The following GLIPR1 variants were observed in gnomAD, a reference collection of about 807,000 sequenced individuals.
GLIPR1 encodes the protein GLI pathogenesis related 1, also known as glioma pathogenesis-related protein 1.
In GLIPR1, 38 loss-of-function variants were observed where a neutral mutation model predicts 30.3. The observed-to-expected ratio is 1.26, with a 90% confidence interval of 0.97 to 1.65. GLIPR1 has a LOEUF of 1.65. GLIPR1 is among the 40% of genes most tolerant of loss of function. GLIPR1 has a pLI of 0.00. For missense variants in GLIPR1, 285 were observed against 326.5 expected, an observed-to-expected ratio of 0.87 and a Z score of 0.98; for synonymous variants, 122 against 110.6, an observed-to-expected ratio of 1.10 and a Z score of -0.65.
At chr12:75,488,704 G>T (rs997838048) in intron 2 of GLIPR1, among the ~76,000 whole-genome samples, 1 of 152,126 alleles carries the variant, frequency 6.6e-6, no homozygotes, top group African/African-American at 2.4e-5. Flanking sequence ...CTGTGAATGG[G>T]TCAGTCCCAC....
In GLIPR1 at chr12:75,500,092, CAG is replaced by C. The variant is rs1285476722; in HGVS notation, c.*1115_*1116del. 1 of 582,570 alleles carries C rather than the reference CAG, an allele frequency of 1.7e-6. No individual in the cohort carries two copies. Among genetic ancestry groups the C allele is most frequent in the African/African-American group, 2.0e-5 (1 of 50,494 alleles). 36.1% of individuals were successfully genotyped at this position (582,570 alleles called of 1,614,324 possible). On this transcript the variant is annotated 3_prime_UTR_variant, in exon 6 of 6. Coordinates refer to ENST00000266659, the MANE Select transcript of GLIPR1 (RefSeq NM_006851.3). ...TAATTGAATAATTGAAAGGTGATCA[CAG>C]TATAAAATATAAAAACACTTGCCTA...
At chr12:75,481,686 C>T in intron 1 of GLIPR1, 148 bp from the exon 2 acceptor site, 1 of 698,362 alleles carries the variant, frequency 1.4e-6, no homozygotes. Flanking sequence ...CAGCCCTACT[C>T]AGTGCTTGAA....
chr12:75,488,776 C>T (rs926722857), intron 2 of GLIPR1, among the ~76,000 whole-genome samples: 1 of 152,146 alleles, frequency 6.6e-6, no homozygotes, highest in African/African-American at 2.4e-5. Context: ...ATCCCAGCTC[C>T]AGCTCCACCT....
chr12:75,501,569 T>A lies in GLIPR1; in HGVS notation c.*2591T>A. ...TTAGCTGCCTCTAAATTATAAATTA[T>A]CTCAGCCATCCCTTGTCCTTAGGAT... is the stretch of plus-strand genomic sequence containing the variant. On this transcript the variant is annotated 3_prime_UTR_variant, in exon 6 of 6. Transcript: ENST00000266659. 1.7e-6 allele frequency: 1 copy of A among 594,800 alleles called. No individual in the cohort carries two copies. The allele number at this position is 594,800 out of a possible 1,614,324, so 36.8% of individuals were successfully genotyped here.
At chr12:75,498,448 C>T in intron 4 of GLIPR1, 22 of 361,928 alleles carry the variant, frequency 6.1e-5, no homozygotes, top group South Asian at 2.5e-4. Flanking sequence ...AATGATTTTC[C>T]ATTTATAGTA....
At chr12:75,498,122 A>AAAGT (rs1168970882) in intron 4 of GLIPR1, 4 of 152,500 alleles carry the variant, frequency 2.6e-5, no homozygotes, top group Admixed American at 1.3e-4. Context: ...TTTATAAAAG[A>AAAGT]AAGTATCCAG....
chr12:75,481,357 C>CTTTTTTTT (rs72137011), intron 1 of GLIPR1: 1 of 144,304 alleles, frequency 6.9e-6, no homozygotes, highest in East Asian at 2.0e-4. Flanking sequence ...ATTTGGTTTT[C>CTTTTTTTT]TTTTTTTTTT....
Position 75,490,567 on chromosome 12 carries a change from C to A in GLIPR1, c.533+49C>A, listed in dbSNP as rs762467955. 543 of 85,908 alleles carry A rather than the reference C, an allele frequency of 6.3e-3. 133 individuals carry two copies. In the African/African-American group the frequency reaches 0.13, roughly 20 times the overall value. The allele number at this position is 85,908 out of a possible 1,614,324, so 5.3% of individuals were successfully genotyped here. ...TATAGGAAACGCCCCCCCCCCCCCG[C>A]AAAAAAAAACAACAACAAAAAAAAA... is the stretch of plus-strand genomic sequence containing the variant. On this transcript the variant is annotated intron_variant, in intron 3 of 5. Coordinates refer to ENST00000266659, the MANE Select transcript of GLIPR1 (RefSeq NM_006851.3).
chr12:75,483,373 G>C (rs2046280077), intron 2 of GLIPR1: 1 of 152,136 alleles, frequency 6.6e-6, no homozygotes, highest in Non-Finnish European at 1.5e-5. Context: ...TTATTAGTCA[G>C]TGTTTAAGCT....
At chr12:75,488,403 G>A (rs2046303402) in intron 2 of GLIPR1, among the ~76,000 whole-genome samples, 1 of 152,146 alleles carries the variant, frequency 6.6e-6, no homozygotes, top group African/African-American at 2.4e-5. Context: ...CGGGCATGGT[G>A]GCACATGCCT....
At chr12:75,497,642 G>A (rs2120569623) in intron 4 of GLIPR1, 1 of 152,290 alleles carries the variant, frequency 6.6e-6, no homozygotes, top group South Asian at 2.1e-4. Context: ...GTAAAGGTTA[G>A]AGGATAAAAG....
chr12:75,501,595 T>G lies in GLIPR1; in HGVS notation c.*2617T>G. ...CTCAGCCATCCCTTGTCCTTAGGAT[T>G]AGTAATTAATGAAATGCTAAGAGAA... is the stretch of plus-strand genomic sequence containing the variant. On this transcript the variant is annotated 3_prime_UTR_variant, in exon 6 of 6. Transcript: ENST00000266659. 1.6e-6 allele frequency: 1 copy of G among 644,612 alleles called. No individual in the cohort carries two copies. The highest frequency in any genetic ancestry group is 2.7e-6 in the Non-Finnish European group (1 of 375,802). The allele number at this position is 644,612 out of a possible 1,614,324, so 39.9% of individuals were successfully genotyped here. A position where few individuals can be genotyped will look rare whatever the true frequency, so the allele number is the denominator to read the frequency against.
chr12:75,490,310 C>CTAG, intron 2 of GLIPR1, 96 bp from the exon 3 acceptor site: 1 of 698,126 alleles, frequency 1.4e-6, no homozygotes. Flanking sequence ...AGCACTCTAA[C>CTAG]TAGAGTGGTA....
chr12:75,488,445 G>A (rs2046303582), intron 2 of GLIPR1, among the ~76,000 whole-genome samples: 1 of 152,130 alleles, frequency 6.6e-6, no homozygotes, highest in Non-Finnish European at 1.5e-5. Context: ...CCTGAGGCAG[G>A]AGAATCGCTT....
chr12:75,497,706 A>AATTCCTTCGTGGT (rs1178111498), intron 4 of GLIPR1: 3 of 152,100 alleles, frequency 2.0e-5, no homozygotes, highest in Non-Finnish European at 4.4e-5. Context: ...CTGGAGCATA[A>AATTCCTTCGTGGT]ATTCCTTCGT....
chr12:75,487,646 C>A, intron 2 of GLIPR1: 1 of 406,360 alleles, frequency 2.5e-6, no homozygotes. Context: ...TCTCCCTAGT[C>A]ACGTCCCCAC....
In GLIPR1 at chr12:75,500,595, A is replaced by C. The variant is rs1312158787; in HGVS notation, c.*1617A>C. 1 of 152,052 alleles carries C rather than the reference A, an allele frequency of 6.6e-6. No homozygotes were observed. The highest frequency in any genetic ancestry group is 1.5e-5 in the Non-Finnish European group (1 of 67,958). The allele number at this position is 152,052 out of a possible 1,614,324, so 9.4% of individuals were successfully genotyped here. Reference sequence around the variant, plus strand: ...TTGGTATATTTAACAACATTTTGGTAATAAAGACAATAATTTGAGAGTGTG... The same window carrying C: ...TTGGTATATTTAACAACATTTTGGTCATAAAGACAATAATTTGAGAGTGTG... On this transcript the variant is annotated 3_prime_UTR_variant, in exon 6 of 6. Transcript: ENST00000266659.
chr12:75,483,231 G>T (rs1392896675), intron 2 of GLIPR1, among the ~76,000 whole-genome samples: 1 of 152,120 alleles, frequency 6.6e-6, no homozygotes, highest in Non-Finnish European at 1.5e-5. Context: ...AGTTTCCTTG[G>T]ATTCCAACAA....
At position 75,498,831 on chromosome 12, in the gene GLIPR1, C is replaced by G. The variant is rs922451076; in HGVS notation, c.654C>G (p.Tyr218Ter). 1.2e-6 allele frequency: 2 copies of G among 1,612,200 alleles called. No homozygotes were observed. Among genetic ancestry groups the G allele is most frequent in the Non-Finnish European group, 1.7e-6 (2 of 1,178,606 alleles). ...NRQRDQVKRY[Y>*]SVVYPGWPIY... ...TCTATGTTTGTTTCACAGGTTACTA[C>G]TCTGTTGTATATCCAGGCTGGCCCA... is the stretch of plus-strand genomic sequence containing the variant. The change falls in exon 6 of 6, where the codon TAC becomes TAG. Residue 218 changes from tyrosine to a stop codon, truncating the protein, a stop_gained. Coordinates refer to ENST00000266659, the MANE Select transcript of GLIPR1 (RefSeq NM_006851.3). LOFTEE classifies it low-confidence loss of function (END_TRUNC).
Sources: gnomAD v4.1 joint callset for allele counts (sites outside exome capture counted in the v4.1 genomes callset) on GRCh38, gnomAD v4.1.1 for gene constraint, MANE v1.5 for transcripts, NCBI Gene and HGNC (gene_info 2026-07-23, HGNC 2026-07-21) for gene names.